The following TCF20 variants were observed in gnomAD, a reference collection of about 807,000 sequenced individuals.
TCF20 encodes the protein SPRE-binding protein.
In TCF20, 3 loss-of-function variants were observed where a neutral mutation model predicts 148.6. The ratio of observed to expected loss-of-function variants is 0.02; its 90% CI spans 0.01 to 0.05. The LOEUF (loss-of-function observed/expected upper bound fraction) is 0.05. Ranked by LOEUF, TCF20 falls within the 10% of genes least tolerant of loss-of-function variation. The pLI is 1.00. For missense variants in TCF20, 2,350 were observed against 2,429.3 expected, an observed-to-expected ratio of 0.97 and a Z score of 0.69; for synonymous variants, 1,049 against 909.5, an observed-to-expected ratio of 1.15 and a Z score of -2.76.
chr22:42,243,221 A>G (rs28805093), intron 1 of TCF20, among the ~76,000 whole-genome samples: 108,225 of 148,368 alleles, frequency 0.73, 39,682 homozygotes, highest in African/African-American at 0.76. Flanking sequence ...TCTCACCTGA[A>G]TCCAGCAGCT....
At chr22:42,249,986 G>A (rs1925230782) in intron 1 of TCF20, among the ~76,000 whole-genome samples, 1 of 152,138 alleles carries the variant, frequency 6.6e-6, no homozygotes, top group Non-Finnish European at 1.5e-5. Context: ...GCCAGGTGTG[G>A]TGGAGCACCT....
At chr22:42,287,674 T>C (rs1927056192), upstream of TCF20, among the ~76,000 whole-genome samples, 1 of 152,066 alleles carries the variant, frequency 6.6e-6, no homozygotes, top group Non-Finnish European at 1.5e-5. Context: ...GCTCAGTTGA[T>C]CCTCCTGAAA....
upstream of TCF20, among the ~76,000 whole-genome samples, chr22:42,288,147 C>T (rs1927065126): frequency 6.6e-6 from 1 of 152,036 alleles, no homozygotes; most frequent in African/African-American, 2.4e-5. Context: ...GTAATCCCAG[C>T]ATTCTGGGAG....
intron 1 of TCF20, among the ~76,000 whole-genome samples, chr22:42,343,130 G>A (rs1928196748): frequency 6.6e-6 from 1 of 152,174 alleles, no homozygotes; most frequent in Admixed American, 6.5e-5. Flanking sequence ...TCCTGGAGGG[G>A]TGAGCTCCCA....
At chr22:42,174,887 T>A (rs1296072591) in intron 3 of TCF20, among the ~76,000 whole-genome samples, 1 of 151,864 alleles carries the variant, frequency 6.6e-6, no homozygotes, top group African/African-American at 2.4e-5. Context: ...CAGAAAAAAT[T>A]AGCCGGGCGT....
intron 1 of TCF20, among the ~76,000 whole-genome samples, chr22:42,324,119 T>TGGTGGA (rs1555959720): frequency 3.6e-3 from 4 of 1,116 alleles, no homozygotes; most frequent in Non-Finnish European, 5.3e-3. Flanking sequence ...GTGGTGGTGG[T>TGGTGGA]GGTTATGGTG....
chr22:42,329,273 C>T (rs1039154153), intron 1 of TCF20, among the ~76,000 whole-genome samples: 4 of 152,248 alleles, frequency 2.6e-5, no homozygotes, highest in Non-Finnish European at 5.9e-5. Flanking sequence ...ATCCCCAGCA[C>T]ACAGGCTGCC....
intron 2 of TCF20, among the ~76,000 whole-genome samples, chr22:42,202,408 T>A (rs947622008): frequency 6.6e-6 from 1 of 152,204 alleles, no homozygotes; most frequent in African/African-American, 2.4e-5. Context: ...TCATACTTTG[T>A]ATGGTAAGGA....
intron 1 of TCF20, among the ~76,000 whole-genome samples, chr22:42,226,976 T>C (rs936255895): frequency 2.6e-5 from 4 of 152,096 alleles, no homozygotes; most frequent in African/African-American, 9.7e-5. Flanking sequence ...AAAATCTCAA[T>C]AGGATATTAA....
At chr22:42,256,926 A>AG (rs1241659506) in intron 1 of TCF20, among the ~76,000 whole-genome samples, 4 of 152,232 alleles carry the variant, frequency 2.6e-5, no homozygotes, top group South Asian at 2.1e-4. Context: ...TGGAAGGCCT[A>AG]GGCAAGAAGA....
intron 1 of TCF20, among the ~76,000 whole-genome samples, chr22:42,303,351 G>C (rs1220766895): frequency 6.6e-6 from 1 of 152,252 alleles, no homozygotes; most frequent in Non-Finnish European, 1.5e-5. Flanking sequence ...GGAGACCGAG[G>C]CTCAGAGAGG....
chr22:42,282,666 G>A (rs1346144616), intron 1 of TCF20, among the ~76,000 whole-genome samples: 1 of 152,222 alleles, frequency 6.6e-6, no homozygotes, highest in Non-Finnish European at 1.5e-5. Flanking sequence ...ATGATGGAAC[G>A]GTGACCCTGG....
At chr22:42,258,536 T>C (rs937139781) in intron 1 of TCF20, among the ~76,000 whole-genome samples, 1 of 152,194 alleles carries the variant, frequency 6.6e-6, no homozygotes, top group Non-Finnish European at 1.5e-5. Context: ...TTACGCATGC[T>C]CTGGTTTCAC....
chr22:42,177,956 G>C (rs143272202), intron 3 of TCF20, among the ~76,000 whole-genome samples: 161 of 152,266 alleles, frequency 1.1e-3, no homozygotes, highest in African/African-American at 3.8e-3. Flanking sequence ...AGACGAAGCT[G>C]TGATTAGCAG....
intron 2 of TCF20, among the ~76,000 whole-genome samples, chr22:42,203,591 TAA>T (rs1244414206): frequency 6.6e-6 from 1 of 152,174 alleles, no homozygotes; most frequent in Non-Finnish European, 1.5e-5. Context: ...TGCAGTGATA[TAA>T]AAAGATATAC....
intron 1 of TCF20, among the ~76,000 whole-genome samples, chr22:42,265,195 A>C (rs151116052): frequency 1.3e-5 from 2 of 152,372 alleles, no homozygotes; most frequent in Non-Finnish European, 2.9e-5. Context: ...TACCACATGT[A>C]CCAAGGGTAT....
chr22:42,168,389 C>A (rs970453310), intron 5 of TCF20, among the ~76,000 whole-genome samples: 3 of 152,208 alleles, frequency 2.0e-5, no homozygotes, highest in African/African-American at 7.2e-5. Context: ...GGAACAGTCA[C>A]CCTGCACCCC....
At chr22:42,243,992 G>T (rs973102411) in intron 1 of TCF20, among the ~76,000 whole-genome samples, 1 of 152,060 alleles carries the variant, frequency 6.6e-6, no homozygotes, top group Non-Finnish European at 1.5e-5. Flanking sequence ...ATCACTTGAA[G>T]CCAGGAGTTA....
intron 1 of TCF20, among the ~76,000 whole-genome samples, chr22:42,256,497 A>G (rs927839604): frequency 1.3e-5 from 2 of 150,314 alleles, no homozygotes; most frequent in East Asian, 1.9e-4. Flanking sequence ...TTAAAGAGAC[A>G]TTTAACAAAT....
Sources: allele counts gnomAD v4.1 joint callset (sites outside exome capture counted in the v4.1 genomes callset), GRCh38; gene constraint gnomAD v4.1.1; transcripts MANE v1.5; gene names NCBI Gene and HGNC (gene_info 2026-07-23, HGNC 2026-07-21).